The following TMEM178B variants were observed in gnomAD, a reference collection of about 807,000 sequenced individuals.
TMEM178B encodes transmembrane protein 178B.
TMEM178B carries 5 observed loss-of-function variants against 31.0 expected under a neutral mutation model. The observed-to-expected ratio is 0.16, with a 90% CI of 0.08 to 0.34. The LOEUF (loss-of-function observed/expected upper bound fraction) is 0.34. TMEM178B is among the 10% of genes least tolerant of loss of function. The pLI is 1.00. For missense variants in TMEM178B, 275 were observed against 400.3 expected, an observed-to-expected ratio of 0.69 and a Z score of 2.67; for synonymous variants, 164 against 164.0, an observed-to-expected ratio of 1.00 and a Z score of 0.00.
chr7:141,174,862 C>G (rs892190370), intron 1 of TMEM178B, among the ~76,000 whole-genome samples: 1 of 152,092 alleles, frequency 6.6e-6, no homozygotes, highest in African/African-American at 2.4e-5. Context: ...TGGATATTAG[C>G]CGTTTGTCAG....
At chr7:141,233,722 C>T (rs1323695315) in intron 2 of TMEM178B, among the ~76,000 whole-genome samples, 1 of 152,152 alleles carries the variant, frequency 6.6e-6, no homozygotes, top group Admixed American at 6.5e-5. Flanking sequence ...AGGTTGAGAG[C>T]CCTATTCATT....
At chr7:141,217,113 A>G (rs1409499058) in intron 2 of TMEM178B, among the ~76,000 whole-genome samples, 3 of 152,060 alleles carry the variant, frequency 2.0e-5, no homozygotes, top group African/African-American at 7.3e-5. Context: ...GAGCTGCTTC[A>G]CTCTCTCACT....
intron 1 of TMEM178B, among the ~76,000 whole-genome samples, chr7:141,113,289 G>A (rs1414340890): frequency 6.6e-6 from 1 of 152,148 alleles, no homozygotes; most frequent in African/African-American, 2.4e-5. Flanking sequence ...AGCAGGAGGG[G>A]TACCCTCAGA....
At chr7:141,301,581 C>T (rs1268575386) in intron 2 of TMEM178B, among the ~76,000 whole-genome samples, 2 of 152,162 alleles carry the variant, frequency 1.3e-5, no homozygotes, top group South Asian at 2.1e-4. Context: ...AAATTTAGAT[C>T]GTTCCTGTTG....
intron 2 of TMEM178B, among the ~76,000 whole-genome samples, chr7:141,257,747 T>A (rs1797950677): frequency 6.6e-6 from 1 of 152,068 alleles, no homozygotes; most frequent in South Asian, 2.1e-4. Flanking sequence ...ATTTTTAAAT[T>A]TTTATTTATT....
At chr7:141,413,934 A>G (rs1312544549) in intron 2 of TMEM178B, among the ~76,000 whole-genome samples, 2 of 152,316 alleles carry the variant, frequency 1.3e-5, no homozygotes, top group East Asian at 3.9e-4. Flanking sequence ...AACCTTTGGT[A>G]TATTTCCTTT....
intron 1 of TMEM178B, among the ~76,000 whole-genome samples, chr7:141,092,768 G>A (rs1320312930): frequency 1.3e-5 from 2 of 152,112 alleles, no homozygotes; most frequent in African/African-American, 4.8e-5. Flanking sequence ...CATGGAAAAG[G>A]GATAGGAAGT....
intron 1 of TMEM178B, among the ~76,000 whole-genome samples, chr7:141,170,554 T>A (rs1796331509): frequency 6.6e-6 from 1 of 152,224 alleles, no homozygotes; most frequent in South Asian, 2.1e-4. Flanking sequence ...ATTTATGGAA[T>A]TGCTCTGCAA....
At chr7:141,465,193 T>C (rs1802129145) in intron 3 of TMEM178B, among the ~76,000 whole-genome samples, 3 of 152,184 alleles carry the variant, frequency 2.0e-5, no homozygotes, top group Admixed American at 2.0e-4. Context: ...CGGACTCTTT[T>C]CTGAGTAGAA....
At chr7:141,191,529 G>A (rs553097415) in intron 1 of TMEM178B, among the ~76,000 whole-genome samples, 27 of 152,318 alleles carry the variant, frequency 1.8e-4, no homozygotes, top group African/African-American at 6.5e-4. Context: ...CCTTGCTTCC[G>A]GGCCTTGGCC....
At chr7:141,494,919 CAGA>C in the TMEM178B span, among the ~76,000 whole-genome samples, 1 of 152,072 alleles carries the variant, frequency 6.6e-6, no homozygotes, top group Non-Finnish European at 1.5e-5. Context: ...GGTTAAGGTA[CAGA>C]AAAACAAGAT....
At chr7:141,221,412 G>A (rs1797254451) in intron 2 of TMEM178B, among the ~76,000 whole-genome samples, 1 of 117,414 alleles carries the variant, frequency 8.5e-6, no homozygotes, top group African/African-American at 4.6e-5. Flanking sequence ...GGATGTCAGA[G>A]CAGGCAGATA....
intron 2 of TMEM178B, among the ~76,000 whole-genome samples, chr7:141,333,992 C>T (rs1358858570): frequency 6.6e-6 from 1 of 152,200 alleles, no homozygotes; most frequent in East Asian, 1.9e-4. Context: ...GGGCCCGCTT[C>T]CTAACAGGGG....
intron 3 of TMEM178B, among the ~76,000 whole-genome samples, chr7:141,453,077 T>G (rs932155176): frequency 6.6e-6 from 1 of 152,234 alleles, no homozygotes; most frequent in Non-Finnish European, 1.5e-5. Flanking sequence ...TAGCGTCTTC[T>G]AGAAACCTTT....
chr7:141,462,544 C>G (rs116848604), intron 3 of TMEM178B, among the ~76,000 whole-genome samples: 1 of 151,794 alleles, frequency 6.6e-6, no homozygotes, highest in East Asian at 1.9e-4. Context: ...GAGGGGGAAG[C>G]CTGGAGCCAG....
chr7:141,331,239 A>G (rs1799294001), intron 2 of TMEM178B, among the ~76,000 whole-genome samples: 1 of 152,238 alleles, frequency 6.6e-6, no homozygotes, highest in African/African-American at 2.4e-5. Context: ...GCCATAGAAT[A>G]GATGATAACA....
intron 2 of TMEM178B, among the ~76,000 whole-genome samples, chr7:141,234,360 C>A (rs553569229): frequency 2.0e-5 from 3 of 152,266 alleles, no homozygotes; most frequent in African/African-American, 7.2e-5. Flanking sequence ...ATGGCTGGGA[C>A]TTCCCAGACA....
chr7:141,438,696 T>TAAAAAAAAAAAAAAAGAAAAAA (rs1801597348), intron 3 of TMEM178B, among the ~76,000 whole-genome samples: 1 of 28,990 alleles, frequency 3.4e-5, no homozygotes. Context: ...CCGTCTCTAC[T>TAAAAAAAAAAAAAAAGAAAAAA]AAAAAAAAAA....
chr7:141,392,217 T>C (rs1010433490), intron 2 of TMEM178B, among the ~76,000 whole-genome samples: 5 of 152,228 alleles, frequency 3.3e-5, no homozygotes, highest in African/African-American at 1.2e-4. Flanking sequence ...TGCAATTTGA[T>C]TGATGATCTT....
Sources: allele counts gnomAD v4.1 joint callset (sites outside exome capture counted in the v4.1 genomes callset), GRCh38; gene constraint gnomAD v4.1.1; transcripts MANE v1.5; gene names NCBI Gene and HGNC (gene_info 2026-07-23, HGNC 2026-07-21).